The following PPM1A variants were observed in gnomAD, a reference collection of about 807,000 sequenced individuals.
PPM1A encodes the protein protein phosphatase 1A.
In PPM1A, 7 loss-of-function variants were observed where a neutral mutation model predicts 35.0. That is an observed-to-expected ratio of 0.20 (90% CI 0.11 to 0.38). The LOEUF (loss-of-function observed/expected upper bound fraction) is 0.38, where lower values mean the gene tolerates loss of function less well. PPM1A is among the 10% of genes least tolerant of loss of function. PPM1A has a pLI of 1.00. For synonymous variants in PPM1A, 153 were observed against 167.3 expected (o/e 0.91, Z 0.66); for missense variants, 239 against 467.8 (o/e 0.51, Z 4.51).
chr14:60,247,216 T>C (rs1222550252), upstream of PPM1A, among the ~76,000 whole-genome samples: 1 of 152,146 alleles, frequency 6.6e-6, no homozygotes, highest in Non-Finnish European at 1.5e-5. Context: ...ATTTCTTTTT[T>C]TGGGGGGTCG....
At position 60,249,823 on chromosome 14, in the gene PPM1A, C is replaced by A; in HGVS notation, c.-21+146C>A. ...GAGACGCGACAACTCCACCCCCTGG[C>A]CGGCCTCCTCCCCCGAGCCGGGCGG... On this transcript the variant is annotated intron_variant, in intron 1 of 5. Transcript: ENST00000395076. This position sits in a 1 kb window ranked among gnomAD's most constrained non-coding sequence, Gnocchi z 4.5. 3.1e-6 allele frequency: 1 copy of A among 324,026 alleles called. No individual in the cohort carries two copies. Among genetic ancestry groups the A allele is most frequent in the Non-Finnish European group, 4.4e-6 (1 of 225,292 alleles). 20.1% of individuals were successfully genotyped at this position (324,026 alleles called of 1,614,324 possible).
intron 3 of PPM1A, chr14:60,287,354 C>T (rs1048692439): frequency 8.1e-6 from 8 of 982,378 alleles, no homozygotes; most frequent in Non-Finnish European, 8.5e-6. Flanking sequence ...TATACTTGTA[C>T]CATTCAATTG....
intron 2 of PPM1A, 71 bp from the exon 3 acceptor site, chr14:60,285,553 G>C (rs548936477): frequency 6.8e-7 from 1 of 1,469,506 alleles, no homozygotes; most frequent in African/African-American, 1.4e-5. Flanking sequence ...AATTGGCACA[G>C]CTGTAAAGGT....
chr14:60,285,475 C>T (rs75813609), intron 2 of PPM1A, 149 bp from the exon 3 acceptor site: 140 of 566,778 alleles, frequency 2.5e-4, no homozygotes, highest in Middle Eastern at 5.4e-4. Context: ...CACACACGCA[C>T]GCATGCGTGC....
At position 60,265,503 on chromosome 14, in the gene PPM1A, T is replaced by A. The variant is rs143030735; in HGVS notation, c.-21+15826T>A. Among the ~76,000 whole-genome samples, 161 of 152,360 alleles carry A rather than the reference T, an allele frequency of 1.1e-3. 1 individual carries two copies. The highest frequency in any genetic ancestry group is 3.8e-3 in the African/African-American group (157 of 41,584). ...AAGAGTTCAGTGGCTTGGTCTTTTT[T>A]AATATTTTGTTTGTATAGTTAATAA... is the stretch of plus-strand genomic sequence containing the variant. On this transcript the variant is annotated intron_variant, in intron 1 of 5. Transcript: ENST00000395076.
chr14:60,276,780 T>C (rs1885810793), intron 1 of PPM1A, among the ~76,000 whole-genome samples: 1 of 152,192 alleles, frequency 6.6e-6, no homozygotes, highest in Admixed American at 6.5e-5. Context: ...TTAAAAATTA[T>C]TCACTATAAT....
At chr14:60,271,071 G>A (rs73315801) in intron 1 of PPM1A, among the ~76,000 whole-genome samples, 1,941 of 152,236 alleles carry the variant, frequency 0.013, 47 homozygotes, top group African/African-American at 0.045. Context: ...GCTCACTCCC[G>A]AGGCTTTAAG....
intron 1 of PPM1A, among the ~76,000 whole-genome samples, chr14:60,255,923 A>G (rs898623907): frequency 2.6e-5 from 4 of 152,212 alleles, no homozygotes; most frequent in Admixed American, 1.3e-4. Context: ...TACATTTGCA[A>G]ATATTATCAT....
At chr14:60,270,236 A>G (rs1455187133) in intron 1 of PPM1A, among the ~76,000 whole-genome samples, 1 of 152,142 alleles carries the variant, frequency 6.6e-6, no homozygotes, top group African/African-American at 2.4e-5. Context: ...AAATATTGCA[A>G]TGATATTTTT....
chr14:60,284,125 T>G (rs978475539), intron 2 of PPM1A, among the ~76,000 whole-genome samples: 2 of 152,232 alleles, frequency 1.3e-5, no homozygotes, highest in Non-Finnish European at 2.9e-5. Flanking sequence ...CATTATTATC[T>G]TGTCTCATGG....
In PPM1A at chr14:60,292,595, G is replaced by A. The variant is rs529389931; in HGVS notation, c.*113G>A. 2.3e-6 allele frequency: 2 copies of A among 867,564 alleles called. No homozygotes were observed. The highest frequency in any genetic ancestry group is 1.7e-5 in the South Asian group (1 of 59,634). 53.7% of individuals were successfully genotyped at this position (867,564 alleles called of 1,614,324 possible). A position where few individuals can be genotyped will look rare whatever the true frequency, so the allele number is the denominator to read the frequency against. On this transcript the variant is annotated 3_prime_UTR_variant, in exon 6 of 6. Coordinates refer to ENST00000395076, the MANE Select transcript of PPM1A (RefSeq NM_021003.5). The surrounding 1 kb of genome is among the most constrained non-coding windows in gnomAD (Gnocchi z 4.2). ...CTTTAAGGAAGGGGATATGACATGG[G>A]TGAGAATGATTACATCAGAGAACTT...
At chr14:60,268,027 C>A (rs1884598798) in intron 1 of PPM1A, among the ~76,000 whole-genome samples, 1 of 152,074 alleles carries the variant, frequency 6.6e-6, no homozygotes, top group Admixed American at 6.6e-5. Context: ...ATTTAACATT[C>A]ATACAATACT....
chr14:60,288,527 T>A (rs2139576743), intron 3 of PPM1A: 1 of 984,348 alleles, frequency 1.0e-6, no homozygotes, highest in African/African-American at 1.7e-5. Flanking sequence ...TGTTAAAGAT[T>A]ACACAATAAA....
upstream of PPM1A, chr14:60,249,193 C>A: frequency 3.1e-6 from 3 of 980,606 alleles, no homozygotes; most frequent in South Asian, 4.6e-5. The surrounding 1 kb of genome is among the most constrained non-coding windows in gnomAD (Gnocchi z 4.5). Context: ...GCGACGCGGT[C>A]GTGAGCGCGC....
In PPM1A at chr14:60,294,387, C is replaced by CT. The variant is rs1338469148; in HGVS notation, c.*1907dup. 1 of 151,830 alleles carries CT rather than the reference C, an allele frequency of 6.6e-6. No individual in the cohort carries two copies. The highest frequency in any genetic ancestry group is 1.5e-5 in the Non-Finnish European group (1 of 67,840). 9.4% of individuals were successfully genotyped at this position (151,830 alleles called of 1,614,324 possible). ...TTGAAATTACAGAACCAATTCCATACTTACAATAAATACTTAATGTCTAAA... is the reference window on the plus strand; with the variant it reads ...TTGAAATTACAGAACCAATTCCATACTTTACAATAAATACTTAATGTCTAAA... On this transcript the variant is annotated 3_prime_UTR_variant, in exon 6 of 6. Coordinates refer to ENST00000395076, the MANE Select transcript of PPM1A (RefSeq NM_021003.5).
chr14:60,252,113 A>G (rs1429750037), intron 1 of PPM1A, among the ~76,000 whole-genome samples: 1 of 152,224 alleles, frequency 6.6e-6, no homozygotes, highest in Non-Finnish European at 1.5e-5. Context: ...TAGTTTGTTC[A>G]GATTACATCT....
At chr14:60,250,394 T>G in intron 1 of PPM1A, 2 of 983,474 alleles carry the variant, frequency 2.0e-6, no homozygotes, top group South Asian at 9.4e-5. Flanking sequence ...TAAATAAACT[T>G]GGAGCCTTTT....
rs2139609485 is a variant in PPM1A, at chr14:60,294,589, A to G, written c.*2107A>G. 1 of 151,936 alleles carries G rather than the reference A, an allele frequency of 6.6e-6. No individual in the cohort carries two copies. Among genetic ancestry groups the G allele is most frequent in the Non-Finnish European group, 1.5e-5 (1 of 67,790 alleles). 9.4% of individuals were successfully genotyped at this position (151,936 alleles called of 1,614,324 possible). A position where few individuals can be genotyped will look rare whatever the true frequency, so the allele number is the denominator to read the frequency against. ...CCTTAATATTTTAAGTAGACTGACA[A>G]CTTTAGTTCCAGAAATTGCAAAACT... On this transcript the variant is annotated 3_prime_UTR_variant, in exon 6 of 6. Coordinates refer to ENST00000395076, the MANE Select transcript of PPM1A (RefSeq NM_021003.5).
intron 1 of PPM1A, among the ~76,000 whole-genome samples, chr14:60,274,566 T>C (rs1239215494): frequency 6.6e-6 from 1 of 151,164 alleles, no homozygotes; most frequent in Admixed American, 6.6e-5. Flanking sequence ...CTTTGAAACA[T>C]GGGCACCAAA....
Sources: gnomAD v4.1 joint callset for allele counts (sites outside exome capture counted in the v4.1 genomes callset) on GRCh38, gnomAD v4.1.1 for gene constraint, Gnocchi (gnomAD v3.1) non-coding constraint, MANE v1.5 for transcripts, NCBI Gene and HGNC (gene_info 2026-07-23, HGNC 2026-07-21) for gene names.